SEMA3E: variants seen among roughly 807,000 people sequenced by gnomAD.
SEMA3E encodes the protein semaphorin-3E.
A neutral mutation model predicts 93.6 loss-of-function variants in SEMA3E; 49 were observed. That is an observed-to-expected ratio of 0.52 (90% confidence interval 0.42 to 0.66). SEMA3E has a LOEUF of 0.66. Among genes scored for constraint, SEMA3E ranks in the 30% least tolerant of loss-of-function variants. The pLI is 0.00. For synonymous variants in SEMA3E, 363 were observed against 330.7 expected, an observed-to-expected ratio of 1.10 and a Z score of -1.06; for missense variants, 906 against 964.8, an observed-to-expected ratio of 0.94 and a Z score of 0.81.
Position 83,455,401 on chromosome 7 carries a change from G to C in SEMA3E, c.456+11081C>G, listed in dbSNP as rs537372853. Reference sequence around the variant, plus strand: ...CACTACAAAGTTCTAAAAAAGAACAGCTTCATTTCTCATCTTTCATTCTGG... The same window carrying C: ...CACTACAAAGTTCTAAAAAAGAACACCTTCATTTCTCATCTTTCATTCTGG... On this transcript the variant is annotated intron_variant, in intron 4 of 16. Transcript: ENST00000643230. Among the ~76,000 whole-genome samples, 4 of 152,294 alleles carry C rather than the reference G, an allele frequency of 2.6e-5. No homozygotes were observed. The South Asian group carries it at 8.3e-4, about 32-fold the overall frequency.
chr7:83,444,316 G>C (rs1191931820), intron 4 of SEMA3E, among the ~76,000 whole-genome samples: 1 of 152,184 alleles, frequency 6.6e-6, no homozygotes, highest in Admixed American at 6.5e-5. Flanking sequence ...TTTTGTTGGA[G>C]AGTAGAGTCA....
intron 16 of SEMA3E, among the ~76,000 whole-genome samples, chr7:83,376,544 T>C (rs1794825493): frequency 6.6e-6 from 1 of 152,014 alleles, no homozygotes; most frequent in Non-Finnish European, 1.5e-5. Flanking sequence ...GAGCTGCTCA[T>C]TGATAAGCTA....
chr7:83,370,551 CT>C (rs1248358487), intron 16 of SEMA3E, among the ~76,000 whole-genome samples: 1 of 152,082 alleles, frequency 6.6e-6, no homozygotes, highest in South Asian at 2.1e-4. Flanking sequence ...CAAATCTTCC[CT>C]TTTTTTCTGT....
intron 1 of SEMA3E, among the ~76,000 whole-genome samples, chr7:83,564,917 T>A (rs1157102974): frequency 6.6e-6 from 1 of 152,188 alleles, no homozygotes; most frequent in Non-Finnish European, 1.5e-5. Flanking sequence ...GCTGGTTTTT[T>A]GAAAAAATTA....
chr7:83,644,204 A>T (rs1240454322), intron 1 of SEMA3E, among the ~76,000 whole-genome samples: 1 of 151,942 alleles, frequency 6.6e-6, no homozygotes, highest in African/African-American at 2.4e-5. Context: ...CAGCAAAAAA[A>T]AAAAATATAT....
chr7:83,377,758 C>T (rs1584202314), intron 16 of SEMA3E, among the ~76,000 whole-genome samples: 1 of 152,016 alleles, frequency 6.6e-6, no homozygotes, highest in Admixed American at 6.6e-5. Context: ...TACACACAAT[C>T]ACTAATAACC....
At chr7:83,406,262 T>C (rs1357652036) in intron 7 of SEMA3E, among the ~76,000 whole-genome samples, 1 of 152,050 alleles carries the variant, frequency 6.6e-6, no homozygotes, top group Admixed American at 6.6e-5. Context: ...CATTCGGCCT[T>C]GTCAGTGCAC....
chr7:83,417,913 G>A lies in SEMA3E; in HGVS notation c.550+477C>T, dbSNP rs549187636. Among the ~76,000 whole-genome samples, 3 of 152,178 alleles carry A rather than the reference G, an allele frequency of 2.0e-5. No homozygotes were observed. The East Asian group carries it at 5.8e-4, about 29-fold the overall frequency. ...CTATAGTTTACATTCTAGATTAACAGAAATTTAGATAAATAAATTTAAGTT... is the reference window on the plus strand; with the variant it reads ...CTATAGTTTACATTCTAGATTAACAAAAATTTAGATAAATAAATTTAAGTT... On this transcript the variant is annotated intron_variant, in intron 5 of 16. Coordinates refer to ENST00000643230, the MANE Select transcript of SEMA3E (RefSeq NM_012431.3).
intron 1 of SEMA3E, among the ~76,000 whole-genome samples, chr7:83,590,499 G>A (rs1227586489): frequency 6.6e-6 from 1 of 152,142 alleles, no homozygotes; most frequent in Non-Finnish European, 1.5e-5. Flanking sequence ...ATTGTTAGGT[G>A]TACAGAGAAG....
intron 4 of SEMA3E, among the ~76,000 whole-genome samples, chr7:83,456,054 A>C (rs578028256): frequency 6.6e-6 from 1 of 152,342 alleles, no homozygotes; most frequent in East Asian, 1.9e-4. Flanking sequence ...AATCAGCTAC[A>C]TTTTTGGTAA....
chr7:83,511,752 A>AG (rs1374710180), intron 1 of SEMA3E, among the ~76,000 whole-genome samples: 1 of 151,982 alleles, frequency 6.6e-6, no homozygotes, highest in Non-Finnish European at 1.5e-5. Flanking sequence ...AAAATTGCCC[A>AG]GGCATGGTGG....
chr7:83,444,468 G>T (rs1157017336), intron 4 of SEMA3E, among the ~76,000 whole-genome samples: 2 of 152,086 alleles, frequency 1.3e-5, no homozygotes, highest in African/African-American at 4.8e-5. Context: ...TAAATGTCCA[G>T]TAAGCATAGA....
Position 83,368,193 on chromosome 7 carries a change from ATC to A in SEMA3E, c.1876-157_1876-156del, listed in dbSNP as rs5885346. ...ATACACAAAAATGCTAAATAATTAC[ATC>A]TCTCTCTCTCTCTCTGTGTGTGTGT... On this transcript the variant is annotated intron_variant, in intron 16 of 16. Coordinates refer to ENST00000643230, the MANE Select transcript of SEMA3E (RefSeq NM_012431.3). Among the ~76,000 whole-genome samples, 8,358 of 147,688 alleles carry A rather than the reference ATC, an allele frequency of 0.057. 341 individuals are homozygous for A. Among genetic ancestry groups the A allele is most frequent in the African/African-American group, 0.11 (4,429 of 40,098 alleles).
At chr7:83,504,306 C>A (rs146465309) in intron 1 of SEMA3E, among the ~76,000 whole-genome samples, 1 of 152,066 alleles carries the variant, frequency 6.6e-6, no homozygotes, top group Admixed American at 6.6e-5. Context: ...GAAATTGAAC[C>A]TACTCATCTA....
chr7:83,479,455 T>C (rs1187590161), intron 2 of SEMA3E, among the ~76,000 whole-genome samples: 1 of 152,222 alleles, frequency 6.6e-6, no homozygotes, highest in South Asian at 2.1e-4. Flanking sequence ...TATCCCCATA[T>C]ATGTTTCTAG....
intron 4 of SEMA3E, among the ~76,000 whole-genome samples, chr7:83,429,820 G>C (rs1788846646): frequency 6.6e-6 from 1 of 151,834 alleles, no homozygotes; most frequent in African/African-American, 2.4e-5. Context: ...TCGGTTTTTT[G>C]CTTATTCGTT....
chr7:83,576,156 C>G (rs1035373897), intron 1 of SEMA3E, among the ~76,000 whole-genome samples: 3 of 152,102 alleles, frequency 2.0e-5, no homozygotes, highest in Non-Finnish European at 4.4e-5. Flanking sequence ...AGGTTTGTTT[C>G]TCATAGCCGG....
At chr7:83,403,127 T>G (rs760242987) in intron 9 of SEMA3E, among the ~76,000 whole-genome samples, 36 of 152,026 alleles carry the variant, frequency 2.4e-4, no homozygotes, top group Admixed American at 1.2e-3. Context: ...ATTACTCATT[T>G]AGATATTATC....
intron 1 of SEMA3E, among the ~76,000 whole-genome samples, chr7:83,558,706 CAATAA>C (rs1469735666): frequency 6.6e-6 from 1 of 151,732 alleles, no homozygotes; most frequent in Non-Finnish European, 1.5e-5. Flanking sequence ...TGACAAACCA[CAATAA>C]AATGAGATAA....
Sources: gnomAD v4.1 joint callset for allele counts (sites outside exome capture counted in the v4.1 genomes callset) on GRCh38, gnomAD v4.1.1 for gene constraint, MANE v1.5 for transcripts, NCBI Gene and HGNC (gene_info 2026-07-23, HGNC 2026-07-21) for gene names.